PARD3B: variants seen among roughly 807,000 people sequenced by gnomAD.
PARD3B encodes the protein par-3 family cell polarity regulator beta, also known as partitioning defective 3 homolog B.
A neutral mutation model predicts 130.2 loss-of-function variants in PARD3B; 103 were observed. The ratio of observed to expected loss-of-function variants is 0.79; its 90% CI spans 0.67 to 0.93. PARD3B has a LOEUF of 0.93. PARD3B is among the 40% of genes least tolerant of loss of function. The pLI, the probability that PARD3B is intolerant of heterozygous loss-of-function variation, is 0.00. For missense variants in PARD3B, 1,609 were observed against 1,499.2 expected (o/e 1.07, Z -1.21); for synonymous variants, 583 against 553.2 (o/e 1.05, Z -0.76).
At chr2:204,641,400 A>G (rs2035071990) in intron 1 of PARD3B, among the ~76,000 whole-genome samples, 1 of 152,020 alleles carries the variant, frequency 6.6e-6, no homozygotes. Context: ...GTGAAGGACT[A>G]GTGGGATTAG....
intron 2 of PARD3B, among the ~76,000 whole-genome samples, chr2:204,825,248 C>A (rs993458180): frequency 6.6e-6 from 1 of 152,152 alleles, no homozygotes; most frequent in African/African-American, 2.4e-5. Context: ...TCTGAAGGAA[C>A]CTGGGCCATT....
chr2:204,881,889 G>C (rs1056479602), intron 2 of PARD3B, among the ~76,000 whole-genome samples: 2 of 152,156 alleles, frequency 1.3e-5, no homozygotes, highest in Non-Finnish European at 2.9e-5. Context: ...TCCCTGAATC[G>C]TGAGTGTTCT....
At chr2:205,131,023 C>T (rs1396874554) in intron 10 of PARD3B, among the ~76,000 whole-genome samples, 1 of 152,064 alleles carries the variant, frequency 6.6e-6, no homozygotes, top group African/African-American at 2.4e-5. Context: ...GTAAAAAGTT[C>T]ACATCTTGAA....
chr2:204,651,198 A>G (rs2035465024), intron 1 of PARD3B, among the ~76,000 whole-genome samples: 1 of 152,188 alleles, frequency 6.6e-6, no homozygotes, highest in Non-Finnish European at 1.5e-5. Context: ...TTAACCCAAA[A>G]GCCCAAGTCC....
At chr2:205,394,506 C>T (rs2045959547) in intron 18 of PARD3B, among the ~76,000 whole-genome samples, 1 of 152,144 alleles carries the variant, frequency 6.6e-6, no homozygotes, top group South Asian at 2.1e-4. Context: ...CTCTATCCTC[C>T]TCCCTTATCA....
chr2:204,725,283 T>G (rs901707644), intron 2 of PARD3B, among the ~76,000 whole-genome samples: 1 of 152,190 alleles, frequency 6.6e-6, no homozygotes, highest in Non-Finnish European at 1.5e-5. Flanking sequence ...GATATCAACA[T>G]GGAAAGAGAT....
rs1331641674 is a variant in PARD3B at position 205,380,972 on chromosome 2, ATATAT to A, written c.2631-20035_2631-20031del. On this transcript the variant is annotated intron_variant, in intron 18 of 22. Coordinates refer to ENST00000406610, the MANE Select transcript of PARD3B (RefSeq NM_001302769.2). ...ATATAATGTATATAATATCTAAAGA[ATATAT>A]TATATATAATATCTAAAGAATATAT... 6.4e-5 allele frequency among the ~76,000 whole-genome samples: 7 copies of A among 109,736 alleles called. 1 individual carries two copies. The highest frequency in any genetic ancestry group is 2.9e-4 in the South Asian group (1 of 3,462). The allele number at this position is 109,736 out of a possible 152,430, so 72.0% of individuals were successfully genotyped here.
chr2:205,065,299 T>G (rs1700299918), intron 4 of PARD3B, among the ~76,000 whole-genome samples: 1 of 152,160 alleles, frequency 6.6e-6, no homozygotes, highest in Non-Finnish European at 1.5e-5. Context: ...CTGTAGAATT[T>G]TGCATGAAAT....
chr2:204,545,587 G>C lies in PARD3B; in HGVS notation c.-413G>C, dbSNP rs1022211662. Among the ~76,000 whole-genome samples the C allele has an allele frequency of 6.6e-6, 1 of 152,042 alleles. No homozygotes were observed. Among genetic ancestry groups the C allele is most frequent in the Non-Finnish European group, 1.5e-5 (1 of 67,974 alleles). On this transcript the variant is annotated 5_prime_UTR_variant, in exon 1 of 23. Transcript: ENST00000406610. ...CCGCCGCCGCCCACTCCAGCCCCCGGCTTGGGGCCGGCCCTGCCAACGCCG... is the reference window on the plus strand; with the variant it reads ...CCGCCGCCGCCCACTCCAGCCCCCGCCTTGGGGCCGGCCCTGCCAACGCCG...
chr2:204,989,927 T>C (rs1693505297), intron 3 of PARD3B, among the ~76,000 whole-genome samples: 1 of 152,152 alleles, frequency 6.6e-6, no homozygotes, highest in Admixed American at 6.6e-5. Context: ...CAATTTTCTC[T>C]AGGTAAATAT....
intron 3 of PARD3B, among the ~76,000 whole-genome samples, chr2:204,990,245 G>A (rs1050386110): frequency 6.6e-6 from 1 of 151,300 alleles, no homozygotes; most frequent in Non-Finnish European, 1.5e-5. Flanking sequence ...TGATTTGCAG[G>A]AACTCTTTAA....
chr2:205,050,779 T>C (rs934177025), intron 4 of PARD3B, among the ~76,000 whole-genome samples: 3 of 152,196 alleles, frequency 2.0e-5, no homozygotes, highest in Non-Finnish European at 4.4e-5. Flanking sequence ...TTCTGTTTTA[T>C]TGGACAGCGC....
intron 10 of PARD3B, among the ~76,000 whole-genome samples, chr2:205,150,227 GTGTGTGTGTGTGTGTGTGTGTGTGTGCA>G (rs2033651063): frequency 8.4e-6 from 1 of 118,696 alleles, no homozygotes. Flanking sequence ...GTGTGTGTGT[GTGTGTGTGTGTGTGTGTGTGTGTGTGCA>G]CACACGCTTG....
rs1355777740 is a variant in PARD3B, at chr2:205,407,865, T to C, written c.2741+6742T>C. On this transcript the variant is annotated intron_variant, in intron 19 of 22. Transcript: ENST00000406610. This position sits in a 1 kb window ranked among gnomAD's most constrained non-coding sequence, Gnocchi z 4.1. The stretch of plus-strand genomic sequence containing the variant: ...ACTCCAAAATCTTCCATTACTCTTA[T>C]ACCATATCAGAGTTTATTTTGCAGG... Among the ~76,000 whole-genome samples the C allele has an allele frequency of 6.6e-6, 1 of 152,200 alleles. No individual in the cohort carries two copies. The highest frequency in any genetic ancestry group is 6.5e-5 in the Admixed American group (1 of 15,278).
intron 10 of PARD3B, among the ~76,000 whole-genome samples, chr2:205,145,199 A>G (rs532830562): frequency 9.2e-5 from 14 of 152,074 alleles, no homozygotes; most frequent in Non-Finnish European, 2.1e-4. Flanking sequence ...AACACTCTCA[A>G]ATTTCTACTC....
chr2:204,660,162 T>C (rs1049485988), intron 1 of PARD3B, among the ~76,000 whole-genome samples: 1 of 152,218 alleles, frequency 6.6e-6, no homozygotes, highest in Non-Finnish European at 1.5e-5. Context: ...ATTCCACAAA[T>C]GTTTATTGAG....
chr2:204,663,015 G>T (rs2035881067), intron 1 of PARD3B, among the ~76,000 whole-genome samples: 1 of 152,140 alleles, frequency 6.6e-6, no homozygotes, highest in South Asian at 2.1e-4. Context: ...AAGAAGTGGG[G>T]CTATGCTACC....
At chr2:205,439,794 T>C (rs1404433171) in intron 19 of PARD3B, among the ~76,000 whole-genome samples, 1 of 152,188 alleles carries the variant, frequency 6.6e-6, no homozygotes, top group Non-Finnish European at 1.5e-5. Context: ...AATCCCCATT[T>C]GTATAACCAA....
chr2:205,523,225 GTATATATATA>G (rs906912640), intron 21 of PARD3B, among the ~76,000 whole-genome samples: 2 of 142,960 alleles, frequency 1.4e-5, no homozygotes, highest in African/African-American at 5.1e-5. Flanking sequence ...GTGTGTGTGT[GTATATATATA>G]TATATATTTA....
Sources: allele counts gnomAD v4.1 joint callset (sites outside exome capture counted in the v4.1 genomes callset), GRCh38; gene constraint gnomAD v4.1.1; non-coding constraint Gnocchi (gnomAD v3.1); transcripts MANE v1.5; gene names NCBI Gene and HGNC (gene_info 2026-07-23, HGNC 2026-07-21).